MAGI1: variants seen among roughly 807,000 people sequenced by gnomAD.
MAGI1 encodes the protein membrane-associated guanylate kinase, WW and PDZ domain-containing protein 1.
A neutral mutation model predicts 139.9 loss-of-function variants in MAGI1; 58 were observed. That is an observed-to-expected ratio of 0.41 (90% confidence interval 0.34 to 0.52). MAGI1 has a LOEUF of 0.52. MAGI1 is among the 20% of genes least tolerant of loss of function. The probability of loss-of-function intolerance (pLI) is 0.12; values close to 1 mark genes in which losing one functional copy is unlikely to be tolerated. For missense variants in MAGI1, 1,874 were observed against 1,901.6 expected, an observed-to-expected ratio of 0.99 and a Z score of 0.27; for synonymous variants, 812 against 737.9, an observed-to-expected ratio of 1.10 and a Z score of -1.63.
intron 1 of MAGI1, among the ~76,000 whole-genome samples, chr3:65,883,944 G>C (rs191678931): frequency 2.2e-4 from 34 of 151,716 alleles, no homozygotes; most frequent in African/African-American, 8.0e-4. Context: ...CTACCAAAAA[G>C]AAAAAAGAAA....
chr3:65,389,110 T>C (rs1943688166), intron 14 of MAGI1, among the ~76,000 whole-genome samples: 1 of 152,140 alleles, frequency 6.6e-6, no homozygotes, highest in Non-Finnish European at 1.5e-5. Flanking sequence ...CCCAAAGTGC[T>C]GGGATTATAT....
At chr3:65,926,952 G>A (rs901537994) in intron 1 of MAGI1, among the ~76,000 whole-genome samples, 11 of 152,198 alleles carry the variant, frequency 7.2e-5, no homozygotes, top group Admixed American at 4.6e-4. Context: ...CCGAGATTGC[G>A]CCATTGCACA....
At chr3:65,703,606 T>C (rs564412807) in intron 1 of MAGI1, among the ~76,000 whole-genome samples, 12 of 152,296 alleles carry the variant, frequency 7.9e-5, no homozygotes, top group East Asian at 5.8e-4. Context: ...CTTGCAGTCA[T>C]CTCAGACTCA....
At chr3:65,798,130 C>A (rs893309179) in intron 1 of MAGI1, among the ~76,000 whole-genome samples, 5 of 152,022 alleles carry the variant, frequency 3.3e-5, no homozygotes. Context: ...ATGGTGAAAC[C>A]CTGTCTCTAC....
intron 1 of MAGI1, among the ~76,000 whole-genome samples, chr3:65,921,862 C>T (rs923529461): frequency 1.5e-4 from 23 of 151,776 alleles, no homozygotes; most frequent in Admixed American, 1.2e-3. Flanking sequence ...GCCACGATGG[C>T]GCCACTGCAC....
chr3:65,971,657 C>G (rs1455096225), intron 1 of MAGI1, among the ~76,000 whole-genome samples: 3 of 152,162 alleles, frequency 2.0e-5, no homozygotes, highest in Non-Finnish European at 4.4e-5. Context: ...GCCCTGTTAT[C>G]ATCTACAAAG....
At chr3:66,025,934 G>C (rs997613759) in intron 1 of MAGI1, among the ~76,000 whole-genome samples, 1 of 151,844 alleles carries the variant, frequency 6.6e-6, no homozygotes, top group African/African-American at 2.4e-5. Flanking sequence ...ATAAGGTCAC[G>C]ATACTATTTA....
At chr3:65,662,968 A>G (rs2086284011) in intron 1 of MAGI1, among the ~76,000 whole-genome samples, 1 of 152,132 alleles carries the variant, frequency 6.6e-6, no homozygotes, top group Non-Finnish European at 1.5e-5. Flanking sequence ...AGTTGTGAGC[A>G]GGGCATGGAT....
At position 65,356,326 on chromosome 3, in the gene MAGI1, C is replaced by G; in HGVS notation, c.*52G>C. 1 of 1,489,692 alleles carries G rather than the reference C, an allele frequency of 6.7e-7. No homozygotes were observed. The highest frequency in any genetic ancestry group is 2.4e-5 in the East Asian group (1 of 42,520). The allele number at this position is 1,489,692 out of a possible 1,614,324, so 92.3% of individuals were successfully genotyped here. A position where few individuals can be genotyped will look rare whatever the true frequency, so the allele number is the denominator to read the frequency against. On this transcript the variant is annotated 3_prime_UTR_variant, in exon 23 of 23. Coordinates refer to ENST00000402939, the MANE Select transcript of MAGI1 (RefSeq NM_001033057.2). Reference sequence around the variant, plus strand: ...AAACTAAATAATTTCAGGTTTGTGACTTTCCTCTTAGAACCTTTGACACGG... The same window carrying G: ...AAACTAAATAATTTCAGGTTTGTGAGTTTCCTCTTAGAACCTTTGACACGG...
At chr3:65,833,112 G>C (rs981126998) in intron 1 of MAGI1, among the ~76,000 whole-genome samples, 6 of 125,814 alleles carry the variant, frequency 4.8e-5, no homozygotes, top group African/African-American at 1.2e-4. Flanking sequence ...TGGAATGGAG[G>C]TCTACTGAAC....
chr3:65,555,795 TA>T, intron 2 of MAGI1, among the ~76,000 whole-genome samples: 1 of 152,230 alleles, frequency 6.6e-6, no homozygotes, highest in Admixed American at 6.5e-5. Context: ...AGGTTGAGGC[TA>T]CAGTGAGCCA....
intron 2 of MAGI1, among the ~76,000 whole-genome samples, chr3:65,539,912 T>C (rs2079133038): frequency 1.3e-5 from 2 of 152,276 alleles, no homozygotes; most frequent in African/African-American, 4.8e-5. Flanking sequence ...TAATGATAGG[T>C]TTCCAGGGGC....
At chr3:65,864,308 A>G (rs2108455468) in intron 1 of MAGI1, among the ~76,000 whole-genome samples, 1 of 152,330 alleles carries the variant, frequency 6.6e-6, no homozygotes, top group Non-Finnish European at 1.5e-5. Flanking sequence ...GCCAAGGTTG[A>G]AAGGATCTAT....
chr3:65,864,185 AC>A (rs1412053192), intron 1 of MAGI1, among the ~76,000 whole-genome samples: 1 of 152,198 alleles, frequency 6.6e-6, no homozygotes, highest in Non-Finnish European at 1.5e-5. Flanking sequence ...CCATCTGTCA[AC>A]CTAAATACAT....
intron 5 of MAGI1, among the ~76,000 whole-genome samples, chr3:65,462,377 T>A (rs1949860769): frequency 1.3e-5 from 2 of 152,212 alleles, no homozygotes; most frequent in South Asian, 4.1e-4. Context: ...AAATAGGGAA[T>A]CCTTTCCCCA....
At chr3:65,651,531 G>C (rs1362330980) in intron 1 of MAGI1, among the ~76,000 whole-genome samples, 1 of 152,088 alleles carries the variant, frequency 6.6e-6, no homozygotes, top group Non-Finnish European at 1.5e-5. Flanking sequence ...GTATATTGCG[G>C]CATGTGGACC....
At chr3:65,816,679 A>G (rs551740267) in intron 1 of MAGI1, among the ~76,000 whole-genome samples, 19 of 152,224 alleles carry the variant, frequency 1.2e-4, no homozygotes, top group Non-Finnish European at 2.5e-4. Context: ...AAATATGTCA[A>G]ATATATTTAG....
chr3:65,668,232 G>A (rs562873368), intron 1 of MAGI1, among the ~76,000 whole-genome samples: 9 of 152,208 alleles, frequency 5.9e-5, no homozygotes, highest in African/African-American at 9.6e-5. Context: ...TTAAATGAAC[G>A]AATACACTTA....
rs185122799 is a variant in MAGI1, at chr3:65,886,755, G to A, written c.313+151241C>T. Among the ~76,000 whole-genome samples the A allele has an allele frequency of 4.6e-5, 7 of 152,282 alleles. No homozygotes were observed. The East Asian group carries it at 7.7e-4, about 17-fold the overall frequency. ...CGTAGGACTGTTACATGGCTAGACCGTTACATAAGGTAGAAATGAACTTCT... is the reference window on the plus strand; with the variant it reads ...CGTAGGACTGTTACATGGCTAGACCATTACATAAGGTAGAAATGAACTTCT... On this transcript the variant is annotated intron_variant, in intron 1 of 22. Coordinates refer to ENST00000402939, the MANE Select transcript of MAGI1 (RefSeq NM_001033057.2).
Sources: allele counts gnomAD v4.1 joint callset (sites outside exome capture counted in the v4.1 genomes callset), GRCh38; gene constraint gnomAD v4.1.1; transcripts MANE v1.5; gene names NCBI Gene and HGNC (gene_info 2026-07-23, HGNC 2026-07-21).